The following KAZALD1 variants were observed in gnomAD, a reference collection of about 807,000 sequenced individuals.
KAZALD1 encodes the protein Kazal type serine peptidase inhibitor domain 1.
A neutral mutation model predicts 27.7 loss-of-function variants in KAZALD1; 31 were observed. The observed-to-expected ratio is 1.12, with a 90% confidence interval of 0.84 to 1.51. The LOEUF is 1.51. Among genes scored for constraint, KAZALD1 ranks in the 40% most tolerant of loss-of-function variants. The pLI is 0.00. For missense variants in KAZALD1, 444 were observed against 408.9 expected (o/e 1.09, Z -0.74); for synonymous variants, 179 against 182.0 (o/e 0.98, Z 0.13).
rs923440268 is a variant in KAZALD1 at position 101,065,877 on chromosome 10, G to A, written c.*957G>A. On this transcript the variant is annotated 3_prime_UTR_variant, in exon 5 of 5. Transcript: ENST00000370200. ...CAAACCCTTCCCCAGGCCAGAATGG[G>A]GAACAGGGCTATGTGGGTTGGCCCC... Among the ~76,000 whole-genome samples, 1 of 152,208 alleles carries A rather than the reference G, an allele frequency of 6.6e-6. No homozygotes were observed. Among genetic ancestry groups the A allele is most frequent in the Non-Finnish European group, 1.5e-5 (1 of 68,036 alleles).
At position 101,062,963 on chromosome 10, in the gene KAZALD1, C is replaced by G. The variant is rs368147179; in HGVS notation, c.371C>G (p.Pro124Arg). Residue 124 changes from proline to arginine, a missense_variant, in exon 2 of 5, where the codon CCT becomes CGT. Coordinates refer to ENST00000370200, the MANE Select transcript of KAZALD1 (RefSeq NM_030929.5). The stretch of plus-strand genomic sequence containing the variant: ...CTGAGCCGCGGAGAGGTGCCGGAAC[C>G]TCTGTGTGCCTGTCGTTCGCAGAGT... ...GDLSRGEVPE[P>R]LCACRSQSPL... The G allele has an allele frequency of 3.1e-6, 5 of 1,601,738 alleles. No individual in the cohort carries two copies. The highest frequency in any genetic ancestry group is 4.2e-6 in the Non-Finnish European group (5 of 1,179,444).
rs1671452264 is a variant in KAZALD1, at chr10:101,065,040, A to G, written c.*120A>G. On this transcript the variant is annotated 3_prime_UTR_variant, in exon 5 of 5. Coordinates refer to ENST00000370200, the MANE Select transcript of KAZALD1 (RefSeq NM_030929.5). ...GACTGCTTTCATGCTGTCAGTAGGG[A>G]TGATCATGGGAGGCCTATTTGACTC... The G allele has an allele frequency of 5.7e-6, 4 of 704,366 alleles. No homozygotes were observed. The highest frequency in any genetic ancestry group is 9.9e-6 in the Non-Finnish European group (4 of 402,410). The allele number at this position is 704,366 out of a possible 1,614,324, so 43.6% of individuals were successfully genotyped here. A position where few individuals can be genotyped will look rare whatever the true frequency, so the allele number is the denominator to read the frequency against.
In KAZALD1 at chr10:101,064,304, AG is replaced by A; in HGVS notation, c.558del (p.Gln187ArgfsTer3). 6.2e-7 allele frequency: 1 copy of A among 1,614,206 alleles called. No individual in the cohort carries two copies. Reference sequence around the variant, plus strand: ...ATCCATATGACACTTGGAATGTGACAGGGCAGGATGTGATCTTTGGCTGTGA... The same window carrying A: ...ATCCATATGACACTTGGAATGTGACAGGCAGGATGTGATCTTTGGCTGTGA... Reference protein sequence around the residue: ...SHPYDTWNVTGQDVIFGCEVF... With the variant: ...SHPYDTWNVTXQDVIFGCEVF... On this transcript the variant is annotated frameshift_variant, in exon 3 of 5. Transcript: ENST00000370200. LOFTEE classifies it high-confidence loss of function.
rs1293893040 is a variant in KAZALD1 at position 101,065,929 on chromosome 10, G to A, written c.*1009G>A. On this transcript the variant is annotated 3_prime_UTR_variant, in exon 5 of 5. Transcript: ENST00000370200. Reference sequence around the variant, plus strand: ...AAAATGAAAGCATAAACTGGATAGAGGAGGGTGGAAGTTTGGTCACCTGTG... The same window carrying A: ...AAAATGAAAGCATAAACTGGATAGAAGAGGGTGGAAGTTTGGTCACCTGTG... Among the ~76,000 whole-genome samples the A allele has an allele frequency of 6.6e-6, 1 of 152,206 alleles. No homozygotes were observed. The highest frequency in any genetic ancestry group is 1.5e-5 in the Non-Finnish European group (1 of 68,036).
Position 101,064,347 on chromosome 10 carries a change from A to T in KAZALD1, c.598A>T (p.Met200Leu). The T allele has an allele frequency of 6.2e-7, 1 of 1,614,124 alleles. No individual in the cohort carries two copies. The highest frequency in any genetic ancestry group is 8.5e-7 in the Non-Finnish European group (1 of 1,179,990). The change falls in exon 3 of 5, where the codon ATG (methionine) becomes TTG (leucine). Residue 200 changes from methionine (M) to leucine (L), a missense_variant. Transcript: ENST00000370200. ...TGGCTGTGAAGTGTTTGCCTACCCC[A>T]TGGCCTCCATCGAGTGGAGGAAGGA... ...IFGCEVFAYPMASIEWRKDGL... is the reference protein window; with the variant it reads ...IFGCEVFAYPLASIEWRKDGL...
At position 101,062,664 on chromosome 10, in the gene KAZALD1, G is replaced by A. The variant is rs763061990; in HGVS notation, c.72G>A (p.Thr24=). 9 of 1,553,430 alleles carry A rather than the reference G, an allele frequency of 5.8e-6. No homozygotes were observed. Among genetic ancestry groups the A allele is most frequent in the South Asian group, 2.3e-5 (2 of 86,666 alleles). The change falls in exon 2 of 5, where the codon ACG becomes ACA. Residue 24 remains threonine, a synonymous_variant. Coordinates refer to ENST00000370200, the MANE Select transcript of KAZALD1 (RefSeq NM_030929.5). ...PVLLLLLVVL[T]PPPTGARPSP... ...TCCTGCTACTGCTGGTGGTGCTGAC[G>A]CCGCCCCCGACCGGCGCAAGGCCAT...
rs1939202740 is a variant in KAZALD1, at chr10:101,062,910, T to G, written c.318T>G (p.Leu106=). Residue 106 remains leucine (L), a synonymous_variant, in exon 2 of 5, where the codon CTT becomes CTG. Transcript: ENST00000370200. Reference sequence around the variant, plus strand: ...TCTACGGGCACTGCGGCGAGCAGCTTGAGTGCCGGCTGGACACAGGCGGCG... The same window carrying G: ...TCTACGGGCACTGCGGCGAGCAGCTGGAGTGCCGGCTGGACACAGGCGGCG... ...AHFYGHCGEQ[L]ECRLDTGGDL... 6.2e-7 allele frequency: 1 copy of G among 1,603,228 alleles called. No individual in the cohort carries two copies. Among genetic ancestry groups the G allele is most frequent in the South Asian group, 1.1e-5 (1 of 90,990 alleles).
intron 1 of KAZALD1, 103 bp from the exon 2 acceptor site, chr10:101,062,439 G>A (rs1371276548): frequency 1.7e-6 from 2 of 1,163,260 alleles, no homozygotes; most frequent in Non-Finnish European, 2.4e-6. Flanking sequence ...TAGCAGGGGA[G>A]GGGGCGATGC....
chr10:101,064,696 C>A (rs1352973396), intron 4 of KAZALD1, 48 bp downstream of exon 4: 11 of 1,610,920 alleles, frequency 6.8e-6, no homozygotes, highest in Non-Finnish European at 8.5e-6. Flanking sequence ...GTGCTGGATT[C>A]CAGTTGTGAA....
At chr10:101,064,698 A>G (rs1424890913) in intron 4 of KAZALD1, 50 bp downstream of exon 4, 1 of 1,610,880 alleles carries the variant, frequency 6.2e-7, no homozygotes, top group African/African-American at 1.3e-5. Flanking sequence ...GCTGGATTCC[A>G]GTTGTGAATG....
At position 101,064,678 on chromosome 10, in the gene KAZALD1, G is replaced by A. The variant is rs757190964; in HGVS notation, c.820+30G>A. On this transcript the variant is annotated intron_variant, in intron 4 of 4. Transcript: ENST00000370200. ...GGGGATTCCTGAGTTCTGGGGGTTGGGGGGATGGTGCTGGATTCCAGTTGT... is the reference window on the plus strand; with the variant it reads ...GGGGATTCCTGAGTTCTGGGGGTTGAGGGGATGGTGCTGGATTCCAGTTGT... 17 of 1,612,614 alleles carry A rather than the reference G, an allele frequency of 1.1e-5. No individual in the cohort carries two copies. In the African/African-American group the frequency reaches 2.0e-4, roughly 19 times the overall value.
rs775847393 is a variant in KAZALD1 at position 101,064,619 on chromosome 10, C to A, written c.791C>A (p.Ala264Asp). ...CGCAATGCCCTGGGTCAAGTGGAGG[C>A]CCCTGCTAGCTTGACAGTGCTCACA... ...LGRNALGQVE[A>D]PASLTVLTPD... is the part of the protein sequence containing the mutation. Residue 264 changes from alanine (A) to aspartate (D), a missense_variant, in exon 4 of 5, where the codon GCC becomes GAC. Ala to Asp is a moderately radical substitution (Grantham distance 126, BLOSUM62 -2). Transcript: ENST00000370200. 1.2e-6 allele frequency: 2 copies of A among 1,613,608 alleles called. No individual in the cohort carries two copies. The highest frequency in any genetic ancestry group is 1.7e-6 in the Non-Finnish European group (2 of 1,180,014).
chr10:101,064,211 A>G, intron 2 of KAZALD1, 50 bp from the exon 3 acceptor site: 1 of 1,605,536 alleles, frequency 6.2e-7, no homozygotes, highest in Non-Finnish European at 8.5e-7. Context: ...GCCAGACTGG[A>G]TGCCTTTGCT....
rs531946008 is a variant in KAZALD1, at chr10:101,065,015, G to A, written c.*95G>A. ...GAAAGGGGAGCAGGGTCCCTTCATCGACTGCTTTCATGCTGTCAGTAGGGA... is the reference window on the plus strand; with the variant it reads ...GAAAGGGGAGCAGGGTCCCTTCATCAACTGCTTTCATGCTGTCAGTAGGGA... On this transcript the variant is annotated 3_prime_UTR_variant, in exon 5 of 5. Coordinates refer to ENST00000370200, the MANE Select transcript of KAZALD1 (RefSeq NM_030929.5). 32 of 842,312 alleles carry A rather than the reference G, an allele frequency of 3.8e-5. No individual in the cohort carries two copies. Among genetic ancestry groups the A allele is most frequent in the African/African-American group, 2.2e-4 (13 of 59,904 alleles). The allele number at this position is 842,312 out of a possible 1,614,324, so 52.2% of individuals were successfully genotyped here.
chr10:101,064,416 G>A lies in KAZALD1; in HGVS notation c.667G>A (p.Val223Met). The change falls in exon 3 of 5, where the codon GTG becomes ATG. Residue 223 changes from valine (V) to methionine (M), a missense_variant. By Grantham distance (21) the Val-to-Met change is conservative (BLOSUM62 1). Coordinates refer to ENST00000370200, the MANE Select transcript of KAZALD1 (RefSeq NM_030929.5). ...GCCAGGGGATGACCCCCACATCTCT[G>A]TGCAGGTAGACTGGTGGGAGAGGCT... ...QLPGDDPHISVQFRGGPQRFE... is the reference protein window; with the variant it reads ...QLPGDDPHISMQFRGGPQRFE... 1.2e-6 allele frequency: 2 copies of A among 1,614,188 alleles called. No individual in the cohort carries two copies. Among genetic ancestry groups the A allele is most frequent in the Non-Finnish European group, 1.7e-6 (2 of 1,180,024 alleles).
At position 101,064,979 on chromosome 10, in the gene KAZALD1, G is replaced by C; in HGVS notation, c.*59G>C. ...GGCTATAGTGTTCATCCCTGCTCTTGAAAAGACCTGGAAAGGGGAGCAGGG... is the reference window on the plus strand; with the variant it reads ...GGCTATAGTGTTCATCCCTGCTCTTCAAAAGACCTGGAAAGGGGAGCAGGG... On this transcript the variant is annotated 3_prime_UTR_variant, in exon 5 of 5. Coordinates refer to ENST00000370200, the MANE Select transcript of KAZALD1 (RefSeq NM_030929.5). The C allele has an allele frequency of 8.0e-7, 1 of 1,255,966 alleles. No homozygotes were observed. Among genetic ancestry groups the C allele is most frequent in the Non-Finnish European group, 1.2e-6 (1 of 859,202 alleles). The allele number at this position is 1,255,966 out of a possible 1,614,324, so 77.8% of individuals were successfully genotyped here.
intron 2 of KAZALD1, among the ~76,000 whole-genome samples, 178 bp downstream of exon 2, chr10:101,063,281 TG>T (rs1448007705): frequency 3.3e-5 from 5 of 151,462 alleles, no homozygotes; most frequent in African/African-American, 1.2e-4. Flanking sequence ...CACCTTAAGG[TG>T]GGGGTGGGGG....
chr10:101,066,528 C>G lies in KAZALD1; in HGVS notation c.*1608C>G. On this transcript the variant is annotated 3_prime_UTR_variant, in exon 5 of 5. Coordinates refer to ENST00000370200, the MANE Select transcript of KAZALD1 (RefSeq NM_030929.5). ...TACCGGGAGCCGATTCCAGGGCGCC[C>G]ACAGAAGCAGAATCAGAGGGGTAGG... 2.2e-6 allele frequency: 1 copy of G among 449,520 alleles called. No individual in the cohort carries two copies. Among genetic ancestry groups the G allele is most frequent in the Non-Finnish European group, 4.5e-6 (1 of 221,294 alleles). The allele number at this position is 449,520 out of a possible 1,614,324, so 27.8% of individuals were successfully genotyped here. A position where few individuals can be genotyped will look rare whatever the true frequency, so the allele number is the denominator to read the frequency against.
At position 101,065,238 on chromosome 10, in the gene KAZALD1, C is replaced by G. The variant is rs556335931; in HGVS notation, c.*318C>G. ...GGGGGCCTGAGCAGACACAGAGGTG[C>G]AGGCACCAGGATTCTCCACTTCTTC... On this transcript the variant is annotated 3_prime_UTR_variant, in exon 5 of 5. Coordinates refer to ENST00000370200, the MANE Select transcript of KAZALD1 (RefSeq NM_030929.5). 9.7e-6 allele frequency: 3 copies of G among 309,640 alleles called. No homozygotes were observed. The highest frequency in any genetic ancestry group is 1.8e-5 in the Non-Finnish European group (3 of 164,208). The allele number at this position is 309,640 out of a possible 1,614,324, so 19.2% of individuals were successfully genotyped here.
Sources: allele counts gnomAD v4.1 joint callset (sites outside exome capture counted in the v4.1 genomes callset), GRCh38; gene constraint gnomAD v4.1.1; transcripts MANE v1.5; gene names NCBI Gene and HGNC (gene_info 2026-07-23, HGNC 2026-07-21).